Variants in CNTNAP2 observed in about 807,000 individuals in gnomAD.
CNTNAP2 encodes contactin-associated protein-like 2.
A neutral mutation model predicts 155.2 loss-of-function variants in CNTNAP2; 98 were observed. The ratio of observed to expected loss-of-function variants is 0.63; its 90% CI spans 0.54 to 0.75. CNTNAP2 has a LOEUF of 0.75. Ranked by LOEUF, CNTNAP2 falls within the 30% of genes least tolerant of loss-of-function variation. The probability of loss-of-function intolerance (pLI) is 0.00; values close to 1 mark genes in which losing one functional copy is unlikely to be tolerated. For missense variants in CNTNAP2, 1,727 were observed against 1,688.1 expected (o/e 1.02, Z -0.40); for synonymous variants, 651 against 631.2 (o/e 1.03, Z -0.47).
At chr7:147,879,972 AAC>A (rs1799491426) in intron 13 of CNTNAP2, among the ~76,000 whole-genome samples, 1 of 152,198 alleles carries the variant, frequency 6.6e-6, no homozygotes, top group Non-Finnish European at 1.5e-5. Context: ...CTGCTGTTCA[AAC>A]ACAGTGTGGA....
At chr7:148,286,954 T>G (rs1797095232) in intron 21 of CNTNAP2, among the ~76,000 whole-genome samples, 1 of 152,168 alleles carries the variant, frequency 6.6e-6, no homozygotes, top group Admixed American at 6.5e-5. Flanking sequence ...ACCCTAATAA[T>G]CTCTTGGGCC....
chr7:147,617,549 C>T (rs1282789468), intron 12 of CNTNAP2, among the ~76,000 whole-genome samples: 2 of 151,944 alleles, frequency 1.3e-5, no homozygotes, highest in Admixed American at 1.3e-4. Flanking sequence ...CTGCATATTG[C>T]CCCTCCCCAC....
intron 14 of CNTNAP2, among the ~76,000 whole-genome samples, chr7:147,957,616 C>A (rs1801040527): frequency 6.6e-6 from 1 of 152,002 alleles, no homozygotes; most frequent in Non-Finnish European, 1.5e-5. Flanking sequence ...TCCAGAATTG[C>A]AATGATTATG....
intron 15 of CNTNAP2, among the ~76,000 whole-genome samples, chr7:147,998,715 T>C (rs1801850642): frequency 6.6e-6 from 1 of 151,202 alleles, no homozygotes; most frequent in East Asian, 1.9e-4. Flanking sequence ...TATGCAAACA[T>C]ACACAGTAAG....
intron 13 of CNTNAP2, among the ~76,000 whole-genome samples, chr7:147,748,156 C>G (rs1317800196): frequency 6.6e-6 from 1 of 152,166 alleles, no homozygotes; most frequent in Admixed American, 6.5e-5. Flanking sequence ...TGCAAATGAC[C>G]TTGACAACAA....
intron 10 of CNTNAP2, among the ~76,000 whole-genome samples, chr7:147,417,974 CAT>C (rs1277020247): frequency 5.3e-5 from 8 of 152,276 alleles, no homozygotes; most frequent in African/African-American, 1.7e-4. Flanking sequence ...CAATTAGTAA[CAT>C]AGTGAAATAA....
chr7:147,373,105 T>A (rs1525222), intron 9 of CNTNAP2, among the ~76,000 whole-genome samples: 30,772 of 151,970 alleles, frequency 0.2, 3,597 homozygotes, highest in African/African-American at 0.32. Context: ...TAAAATTAAC[T>A]TTCAAAGGGC....
intron 1 of CNTNAP2, among the ~76,000 whole-genome samples, chr7:146,610,555 AAGT>A (rs765092276): frequency 1.3e-5 from 2 of 152,168 alleles, no homozygotes; most frequent in Non-Finnish European, 2.9e-5. Flanking sequence ...GCATTAGTGA[AAGT>A]AGTTAATTTA....
chr7:148,027,215 A>C (rs1423122029), intron 15 of CNTNAP2, among the ~76,000 whole-genome samples: 5 of 152,234 alleles, frequency 3.3e-5, no homozygotes, highest in African/African-American at 1.2e-4. Context: ...TCTCTCTGAA[A>C]GATCCCTTTC....
chr7:147,105,354 C>T (rs1458154265), intron 4 of CNTNAP2, among the ~76,000 whole-genome samples: 1 of 151,848 alleles, frequency 6.6e-6, no homozygotes, highest in Non-Finnish European at 1.5e-5. Flanking sequence ...CATTTTTTGA[C>T]TAGCCATTAT....
chr7:146,821,319 T>C (rs1261011863), intron 2 of CNTNAP2, among the ~76,000 whole-genome samples: 3 of 152,306 alleles, frequency 2.0e-5, no homozygotes, highest in East Asian at 1.9e-4. Flanking sequence ...TTCCTTTCTA[T>C]GCTTAGTGCT....
intron 3 of CNTNAP2, among the ~76,000 whole-genome samples, chr7:147,035,064 T>G (rs1230389414): frequency 6.6e-6 from 1 of 152,188 alleles, no homozygotes; most frequent in Non-Finnish European, 1.5e-5. Flanking sequence ...GACCAGATCC[T>G]GCTTTAATCA....
Position 148,336,165 on chromosome 7 carries a change from C to A in CNTNAP2, c.3476-47484C>A, listed in dbSNP as rs555481683. On this transcript the variant is annotated intron_variant, in intron 21 of 23. Transcript: ENST00000361727. ...GATTTGAATCCAGTGTCAGAATTGT[C>A]TTTGATTGGTTCTATCTTATTTCAT... Among the ~76,000 whole-genome samples, 75 of 152,246 alleles carry A rather than the reference C, an allele frequency of 4.9e-4. 1 individual carries two copies. The South Asian group carries it at 8.1e-3, about 16-fold the overall frequency.
intron 8 of CNTNAP2, among the ~76,000 whole-genome samples, chr7:147,254,765 C>G (rs983873971): frequency 6.6e-6 from 1 of 152,138 alleles, no homozygotes; most frequent in African/African-American, 2.4e-5. Context: ...CTTTAGGCAA[C>G]AGTTAAGCCA....
chr7:147,511,507 C>A (rs1799020369), intron 11 of CNTNAP2, among the ~76,000 whole-genome samples: 1 of 147,170 alleles, frequency 6.8e-6, no homozygotes, highest in African/African-American at 2.5e-5. Flanking sequence ...AATTTAGTAA[C>A]TTTCTAATAG....
chr7:147,626,796 T>C (rs1421725669), intron 12 of CNTNAP2, among the ~76,000 whole-genome samples: 2 of 152,184 alleles, frequency 1.3e-5, no homozygotes, highest in African/African-American at 4.8e-5. Context: ...GCCTACAAGA[T>C]ACTGGCTAAC....
intron 21 of CNTNAP2, among the ~76,000 whole-genome samples, chr7:148,357,032 T>C (rs1798530772): frequency 6.6e-6 from 1 of 152,150 alleles, no homozygotes; most frequent in South Asian, 2.1e-4. Flanking sequence ...TTATCCAATA[T>C]CCATCCCTAG....
intron 1 of CNTNAP2, among the ~76,000 whole-genome samples, chr7:146,269,377 G>A (rs949679470): frequency 4.6e-5 from 7 of 152,116 alleles, no homozygotes; most frequent in African/African-American, 1.7e-4. Flanking sequence ...CAATTAGGGT[G>A]TAATGGGAGA....
chr7:147,503,691 A>AAT (rs1798857849), intron 11 of CNTNAP2, among the ~76,000 whole-genome samples: 1 of 143,774 alleles, frequency 7.0e-6, no homozygotes, highest in Admixed American at 7.1e-5. Context: ...TTGTAAAAAA[A>AAT]AAAAAATATT....
Sources: gnomAD v4.1 joint callset for allele counts (sites outside exome capture counted in the v4.1 genomes callset) on GRCh38, gnomAD v4.1.1 for gene constraint, MANE v1.5 for transcripts, NCBI Gene and HGNC (gene_info 2026-07-23, HGNC 2026-07-21) for gene names.